CPQ: variants seen among roughly 807,000 people sequenced by gnomAD.
The protein encoded by CPQ is Ser-Met dipeptidase.
In CPQ, 37 loss-of-function variants were observed where a neutral mutation model predicts 45.7. The observed-to-expected ratio is 0.81, with a 90% confidence interval of 0.62 to 1.07. CPQ has a LOEUF of 1.07. Among genes scored for constraint, CPQ ranks in the 50% least tolerant of loss-of-function variants. The probability of loss-of-function intolerance (pLI) is 0.00; values close to 1 mark genes in which losing one functional copy is unlikely to be tolerated. For synonymous variants in CPQ, 186 were observed against 205.8 expected, an observed-to-expected ratio of 0.90 and a Z score of 0.82; for missense variants, 537 against 572.9, an observed-to-expected ratio of 0.94 and a Z score of 0.64.
intron 1 of CPQ, among the ~76,000 whole-genome samples, chr8:96,746,221 T>C (rs1202711780): frequency 6.6e-6 from 1 of 152,228 alleles, no homozygotes; most frequent in African/African-American, 2.4e-5. Context: ...TTCTTTAATT[T>C]GAAATACTGG....
At chr8:96,866,081 A>G (rs896250125) in intron 3 of CPQ, among the ~76,000 whole-genome samples, 2 of 152,102 alleles carry the variant, frequency 1.3e-5, no homozygotes, top group Non-Finnish European at 2.9e-5. Context: ...TGCCTGCCAC[A>G]GAACCTGGCT....
At chr8:97,022,298 A>G (rs1484006003) in intron 5 of CPQ, among the ~76,000 whole-genome samples, 1 of 152,208 alleles carries the variant, frequency 6.6e-6, no homozygotes, top group Non-Finnish European at 1.5e-5. Context: ...ATAACATTGG[A>G]AAAACCCTTC....
intron 3 of CPQ, among the ~76,000 whole-genome samples, chr8:96,850,545 G>A (rs989907030): frequency 6.6e-6 from 1 of 151,216 alleles, no homozygotes; most frequent in African/African-American, 2.4e-5. Context: ...AGGCATTAAG[G>A]TGTTACACTG....
chr8:97,017,438 T>A (rs1225995450), intron 5 of CPQ, among the ~76,000 whole-genome samples: 1 of 152,122 alleles, frequency 6.6e-6, no homozygotes, highest in African/African-American at 2.4e-5. Context: ...ATGAATCCAG[T>A]GTGCAGACTC....
rs905582384 is a variant in CPQ at position 97,036,180 on chromosome 8, C to A, written c.1053+6686C>A. Among the ~76,000 whole-genome samples the A allele has an allele frequency of 1.3e-5, 2 of 152,056 alleles. 1 individual carries two copies. The highest frequency in any genetic ancestry group is 4.2e-4 in the South Asian group (2 of 4,812). ...AGAAATGCCGTCCTGCTCATAACCA[C>A]GGCCGACTCCCAAGAACACATGGGG... On this transcript the variant is annotated intron_variant, in intron 6 of 7. Coordinates refer to ENST00000220763, the MANE Select transcript of CPQ (RefSeq NM_016134.4).
intron 4 of CPQ, among the ~76,000 whole-genome samples, chr8:96,954,188 A>T (rs980323870): frequency 6.6e-6 from 1 of 152,174 alleles, no homozygotes; most frequent in Non-Finnish European, 1.5e-5. Flanking sequence ...ATTAAATTTT[A>T]AAATACATGT....
intron 2 of CPQ, among the ~76,000 whole-genome samples, chr8:96,818,436 CAG>C (rs779318731): frequency 2.9e-4 from 44 of 152,044 alleles, no homozygotes; most frequent in Non-Finnish European, 5.0e-4. Flanking sequence ...AAATGTGACA[CAG>C]AGACATGAAG....
intron 3 of CPQ, among the ~76,000 whole-genome samples, chr8:96,842,852 A>G (rs1811630743): frequency 6.6e-6 from 1 of 151,998 alleles, no homozygotes; most frequent in Non-Finnish European, 1.5e-5. Flanking sequence ...TGGGGGAAAT[A>G]TCTTCTTTGT....
chr8:96,749,198 C>A (rs1262758353), intron 1 of CPQ, among the ~76,000 whole-genome samples: 1 of 152,084 alleles, frequency 6.6e-6, no homozygotes, highest in East Asian at 1.9e-4. Context: ...TCCTTAAGAA[C>A]CTTATCCGTC....
intron 4 of CPQ, among the ~76,000 whole-genome samples, chr8:96,885,706 T>A (rs1044995856): frequency 1.3e-4 from 20 of 152,254 alleles, no homozygotes; most frequent in African/African-American, 4.6e-4. Context: ...TTTAAAAAGA[T>A]GCCAATAGGC....
At chr8:96,846,538 A>G (rs1351666965) in intron 3 of CPQ, among the ~76,000 whole-genome samples, 2 of 152,122 alleles carry the variant, frequency 1.3e-5, no homozygotes, top group African/African-American at 2.4e-5. Context: ...TTTTATATGC[A>G]TCTACATTCA....
intron 4 of CPQ, among the ~76,000 whole-genome samples, chr8:96,909,490 C>T (rs1227298141): frequency 6.6e-6 from 1 of 152,114 alleles, no homozygotes; most frequent in African/African-American, 2.4e-5. Context: ...CTTCAGTATA[C>T]TTACCATGAG....
chr8:97,113,787 C>T (rs1811539658), intron 7 of CPQ, among the ~76,000 whole-genome samples: 1 of 152,152 alleles, frequency 6.6e-6, no homozygotes. Context: ...GGATACTCAC[C>T]CAGTCTGCTA....
chr8:96,693,139 A>G (rs867943783), intron 1 of CPQ, among the ~76,000 whole-genome samples: 79 of 152,054 alleles, frequency 5.2e-4, no homozygotes, highest in African/African-American at 1.9e-3. Flanking sequence ...GAAAATACGC[A>G]AAGTAGACAA....
chr8:96,970,327 A>C (rs1430553897), intron 5 of CPQ, among the ~76,000 whole-genome samples: 1 of 152,206 alleles, frequency 6.6e-6, no homozygotes, highest in African/African-American at 2.4e-5. Context: ...GGGTATAATA[A>C]AAATATTGAG....
intron 5 of CPQ, among the ~76,000 whole-genome samples, chr8:97,023,112 C>CTATATATATACACACTA (rs1809739086): frequency 6.9e-6 from 1 of 144,322 alleles, no homozygotes; most frequent in Non-Finnish European, 1.5e-5. Context: ...TATATACACA[C>CTATATATATACACACTA]TATATATATA....
intron 7 of CPQ, among the ~76,000 whole-genome samples, chr8:97,139,028 G>A (rs2130631596): frequency 6.6e-6 from 1 of 152,136 alleles, no homozygotes; most frequent in East Asian, 1.9e-4. Context: ...ATTCATAAGA[G>A]AAACTCCTAA....
intron 1 of CPQ, among the ~76,000 whole-genome samples, chr8:96,671,609 T>G (rs970533879): frequency 6.6e-6 from 1 of 152,210 alleles, no homozygotes; most frequent in Non-Finnish European, 1.5e-5. Flanking sequence ...TTGAGGTTTA[T>G]TGTAATACAT....
chr8:97,009,717 A>G (rs1211053597), intron 5 of CPQ, among the ~76,000 whole-genome samples: 1 of 152,162 alleles, frequency 6.6e-6, no homozygotes, highest in Non-Finnish European at 1.5e-5. Flanking sequence ...TTCTCAATTA[A>G]TTTGTATTCT....
Sources: gnomAD v4.1 joint callset for allele counts (sites outside exome capture counted in the v4.1 genomes callset) on GRCh38, gnomAD v4.1.1 for gene constraint, MANE v1.5 for transcripts, NCBI Gene and HGNC (gene_info 2026-07-23, HGNC 2026-07-21) for gene names.